CNTN5: variants seen among roughly 807,000 people sequenced by gnomAD.
CNTN5 encodes contactin-5.
In CNTN5, 77 loss-of-function variants were observed where a neutral mutation model predicts 129.1. That is an observed-to-expected ratio of 0.60 (90% CI 0.50 to 0.72). CNTN5 has a LOEUF of 0.72. Among genes scored for constraint, CNTN5 ranks in the 30% least tolerant of loss-of-function variants. The pLI is 0.00. For synonymous variants in CNTN5, 509 were observed against 465.6 expected, an observed-to-expected ratio of 1.09 and a Z score of -1.20; for missense variants, 1,478 against 1,328.8, an observed-to-expected ratio of 1.11 and a Z score of -1.75.
At chr11:99,692,177 T>A (rs667315) in intron 3 of CNTN5, among the ~76,000 whole-genome samples, 1 of 151,890 alleles carries the variant, frequency 6.6e-6, no homozygotes, top group African/African-American at 2.4e-5. Flanking sequence ...ATATGAATGG[T>A]TCGTGGTTCT....
intron 8 of CNTN5, among the ~76,000 whole-genome samples, chr11:99,970,381 T>G (rs552052014): frequency 6.6e-6 from 1 of 152,356 alleles, no homozygotes; most frequent in South Asian, 2.1e-4. Flanking sequence ...TTACACAAAT[T>G]TAAACTACAA....
chr11:99,034,230 C>CT (rs1387011428), intron 1 of CNTN5, among the ~76,000 whole-genome samples: 3 of 152,140 alleles, frequency 2.0e-5, no homozygotes, highest in African/African-American at 7.2e-5. Flanking sequence ...CTAAAACTCT[C>CT]TTTTTTGTTT....
In CNTN5 at chr11:100,297,682, T is replaced by G. The variant is rs1458359124; in HGVS notation, c.2372T>G (p.Val791Gly). 7.5e-6 allele frequency: 12 copies of G among 1,602,154 alleles called. No individual in the cohort carries two copies. The highest frequency in any genetic ancestry group is 1.0e-5 in the Non-Finnish European group (12 of 1,173,078). ...AGAAGTGGAAGAAGGCATGAGTTAG[T>G]CATTGCCTGGGAGGTAAGAAAAACA... The part of the protein sequence containing the change: ...SGRSGRRHEL[V>G]IAWEPVSEEF... Residue 791 changes from valine to glycine, a missense_variant, in exon 19 of 25, where the codon GTC becomes GGC. Transcript: ENST00000524871.
At chr11:99,237,163 T>C (rs1861312894) in intron 1 of CNTN5, among the ~76,000 whole-genome samples, 1 of 152,230 alleles carries the variant, frequency 6.6e-6, no homozygotes, top group African/African-American at 2.4e-5. Context: ...ACGCAAAACA[T>C]TGAAAAATAT....
At chr11:99,468,286 C>T (rs905041701) in intron 2 of CNTN5, among the ~76,000 whole-genome samples, 22 of 152,172 alleles carry the variant, frequency 1.4e-4, no homozygotes, top group African/African-American at 5.3e-4. Context: ...GTAGGATCAT[C>T]TTCTGTCCCA....
intron 3 of CNTN5, among the ~76,000 whole-genome samples, chr11:99,814,868 T>A (rs540673152): frequency 7.6e-4 from 116 of 152,248 alleles, no homozygotes; most frequent in African/African-American, 2.7e-3. Flanking sequence ...CAGCTCCATG[T>A]GGCTAGCGTG....
intron 2 of CNTN5, among the ~76,000 whole-genome samples, chr11:99,380,074 G>A (rs1591599325): frequency 1.7e-5 from 2 of 120,768 alleles, no homozygotes; most frequent in South Asian, 3.0e-4. Flanking sequence ...GTCTCATAAT[G>A]GTGTGTCTGT....
intron 21 of CNTN5, among the ~76,000 whole-genome samples, chr11:100,319,726 C>G (rs1951647438): frequency 6.6e-6 from 1 of 152,164 alleles, no homozygotes; most frequent in Non-Finnish European, 1.5e-5. Flanking sequence ...CATTCTCACC[C>G]TGATAAACAC....
chr11:99,617,941 CTTTTA>C (rs986006969), intron 3 of CNTN5, among the ~76,000 whole-genome samples: 7 of 152,086 alleles, frequency 4.6e-5, no homozygotes, highest in Non-Finnish European at 7.4e-5. Context: ...AACAACAAAG[CTTTTA>C]TTTTATCTGT....
At chr11:99,889,529 CTTTTTTT>C (rs59095048) in intron 6 of CNTN5, among the ~76,000 whole-genome samples, 1 of 128,302 alleles carries the variant, frequency 7.8e-6, no homozygotes, top group African/African-American at 2.9e-5. Context: ...ACTAGACATT[CTTTTTTT>C]TTTTTTTTTT....
At chr11:99,859,228 A>G (rs1033339828) in intron 6 of CNTN5, among the ~76,000 whole-genome samples, 3 of 152,206 alleles carry the variant, frequency 2.0e-5, no homozygotes, top group Non-Finnish European at 4.4e-5. Context: ...AGACTATTGA[A>G]CTGAAAAGGA....
At chr11:99,579,632 GTC>G in intron 3 of CNTN5, among the ~76,000 whole-genome samples, 7 of 140,638 alleles carry the variant, frequency 5.0e-5, no homozygotes, top group Non-Finnish European at 7.7e-5. Flanking sequence ...CTCTCTGTTT[GTC>G]TGTTATTGGT....
intron 3 of CNTN5, among the ~76,000 whole-genome samples, chr11:99,572,768 T>TA (rs11376326): frequency 0.9 from 136,684 of 151,864 alleles, 62,040 homozygotes; most frequent in Non-Finnish European, 0.96. Context: ...GGGTTTTTTT[T>TA]AAAAAATAGA....
chr11:99,114,026 G>T (rs991192929), intron 1 of CNTN5, among the ~76,000 whole-genome samples: 3 of 152,018 alleles, frequency 2.0e-5, no homozygotes, highest in Admixed American at 6.6e-5. Flanking sequence ...TATTTTTAAT[G>T]TTTATGTTAG....
intron 9 of CNTN5, among the ~76,000 whole-genome samples, chr11:100,018,367 C>T (rs949464757): frequency 6.6e-6 from 1 of 151,976 alleles, no homozygotes; most frequent in Non-Finnish European, 1.5e-5. Flanking sequence ...TCACTATAGA[C>T]TACGTTACCT....
chr11:99,961,299 G>A (rs557976503), intron 8 of CNTN5, among the ~76,000 whole-genome samples: 5 of 151,572 alleles, frequency 3.3e-5, no homozygotes, highest in African/African-American at 1.2e-4. Flanking sequence ...AGTTAAACAT[G>A]GTGGACTGGA....
At chr11:99,570,113 G>A (rs1949129933) in intron 3 of CNTN5, among the ~76,000 whole-genome samples, 1 of 149,294 alleles carries the variant, frequency 6.7e-6, no homozygotes. Flanking sequence ...TTTGCTTCAA[G>A]AGGTTCTAAA....
At chr11:99,775,542 A>G (rs952525674) in intron 3 of CNTN5, among the ~76,000 whole-genome samples, 2 of 152,030 alleles carry the variant, frequency 1.3e-5, no homozygotes, top group African/African-American at 2.4e-5. Context: ...CAAATGAGAG[A>G]AAGAAAGAAA....
chr11:99,135,442 T>G (rs373081474), intron 1 of CNTN5, among the ~76,000 whole-genome samples: 1 of 151,994 alleles, frequency 6.6e-6, no homozygotes, highest in Admixed American at 6.6e-5. Context: ...TACAAAGACA[T>G]TACGGTGAAC....
Sources: allele counts gnomAD v4.1 joint callset (sites outside exome capture counted in the v4.1 genomes callset), GRCh38; gene constraint gnomAD v4.1.1; transcripts MANE v1.5; gene names NCBI Gene and HGNC (gene_info 2026-07-23, HGNC 2026-07-21).